PCDHA12: variants seen among roughly 807,000 people sequenced by gnomAD.
PCDHA12 encodes the protein protocadherin alpha 12.
A neutral mutation model predicts 60.0 loss-of-function variants in PCDHA12; 44 were observed. The observed-to-expected ratio is 0.73, with a 90% CI of 0.58 to 0.94. The LOEUF is 0.94. PCDHA12 is among the 40% of genes least tolerant of loss of function. The pLI is 0.00. For synonymous variants in PCDHA12, 569 were observed against 553.0 expected (o/e 1.03, Z -0.40); for missense variants, 1,276 against 1,239.7 (o/e 1.03, Z -0.44).
chr5:140,929,226 C>G lies in PCDHA12; in HGVS notation c.2368-49723C>G, dbSNP rs782065898. ...TGTTGCGTGGGGAGTACAATGCTGC[C>G]GACCTGCGAAATCTTGCCACTGGGG... is the stretch of plus-strand genomic sequence containing the variant. On this transcript the variant is annotated intron_variant, in intron 1 of 3. Transcript: ENST00000398631. 5.0e-6 allele frequency: 8 copies of G among 1,613,768 alleles called. No homozygotes were observed. In the South Asian group the frequency reaches 8.8e-5, roughly 18 times the overall value.
intron 1 of PCDHA12, among the ~76,000 whole-genome samples, chr5:140,941,235 C>CT: frequency 7.4e-6 from 1 of 135,248 alleles, no homozygotes; most frequent in Non-Finnish European, 1.6e-5. Context: ...TTCTTTCTTT[C>CT]TTTCTTTCTT....
intron 1 of PCDHA12, among the ~76,000 whole-genome samples, chr5:140,935,798 G>T (rs1302798386): frequency 6.6e-6 from 1 of 151,552 alleles, no homozygotes; most frequent in Non-Finnish European, 1.5e-5. Context: ...ATATAAACGA[G>T]ATTATTTCAT....
intron 1 of PCDHA12, among the ~76,000 whole-genome samples, chr5:140,893,394 T>TAA (rs2063972728): frequency 6.6e-6 from 1 of 152,198 alleles, no homozygotes; most frequent in South Asian, 2.1e-4. Flanking sequence ...GGCTCATGCC[T>TAA]GTAATCCCAG....
intron 3 of PCDHA12, among the ~76,000 whole-genome samples, chr5:140,990,384 T>A (rs2097391380): frequency 6.6e-6 from 1 of 152,186 alleles, no homozygotes; most frequent in Non-Finnish European, 1.5e-5. Context: ...TTGTTGGTGA[T>A]GTTCCAAGAA....
At chr5:140,883,021 G>A in intron 1 of PCDHA12, 1 of 1,614,136 alleles carries the variant, frequency 6.2e-7, no homozygotes, top group Non-Finnish European at 8.5e-7. Flanking sequence ...AAGTGACGGT[G>A]TTAGAGAACG....
intron 1 of PCDHA12, among the ~76,000 whole-genome samples, chr5:140,889,948 A>G (rs956594809): frequency 6.6e-6 from 1 of 152,194 alleles, no homozygotes; most frequent in Admixed American, 6.6e-5. Flanking sequence ...TGAGAAGCCA[A>G]ATGGATAGAA....
chr5:140,974,751 G>A (rs530548991), intron 1 of PCDHA12, among the ~76,000 whole-genome samples: 11 of 152,284 alleles, frequency 7.2e-5, no homozygotes, highest in African/African-American at 2.4e-4. Flanking sequence ...GCCTCCCAAA[G>A]TGCTGGGATT....
chr5:141,000,395 C>CTCTATAAATA (rs1213762225), intron 3 of PCDHA12, among the ~76,000 whole-genome samples: 2 of 53,986 alleles, frequency 3.7e-5, no homozygotes, highest in African/African-American at 1.5e-4. Flanking sequence ...CTCTCTCTCT[C>CTCTATAAATA]TATATATATA....
chr5:140,933,333 A>G (rs1215342457), intron 1 of PCDHA12, among the ~76,000 whole-genome samples: 1 of 152,032 alleles, frequency 6.6e-6, no homozygotes, highest in Non-Finnish European at 1.5e-5. Flanking sequence ...TGTGCTGTAG[A>G]GAAAGATAAA....
At chr5:140,969,342 G>T (rs1216517284) in intron 1 of PCDHA12, 2 of 1,613,512 alleles carry the variant, frequency 1.2e-6, no homozygotes, top group Non-Finnish European at 1.7e-6. Flanking sequence ...GTGAGACAGT[G>T]GTCAGGGGGT....
At chr5:140,891,681 C>T (rs1021117286) in intron 1 of PCDHA12, among the ~76,000 whole-genome samples, 1 of 152,150 alleles carries the variant, frequency 6.6e-6, no homozygotes, top group African/African-American at 2.4e-5. Flanking sequence ...TAATAATTCT[C>T]TCTTCTTGCT....
At chr5:140,969,468 AT>A (rs1264391543) in intron 1 of PCDHA12, 1 of 1,486,422 alleles carries the variant, frequency 6.7e-7, no homozygotes, top group Non-Finnish European at 9.0e-7. Context: ...AGTATCCACA[AT>A]TTGATCATAA....
chr5:140,904,265 T>C (rs2070995327), intron 1 of PCDHA12, among the ~76,000 whole-genome samples: 1 of 152,118 alleles, frequency 6.6e-6, no homozygotes, highest in Non-Finnish European at 1.5e-5. Context: ...CTCCCACTTA[T>C]GAATGAGAAC....
chr5:140,956,315 A>G (rs246013), intron 1 of PCDHA12, among the ~76,000 whole-genome samples: 85,586 of 151,908 alleles, frequency 0.56, 24,725 homozygotes, highest in African/African-American at 0.69. Flanking sequence ...TTATTTTGAG[A>G]TATGTTCCTT....
At chr5:141,009,034 C>T (rs183192515) in intron 3 of PCDHA12, among the ~76,000 whole-genome samples, 64 of 152,344 alleles carry the variant, frequency 4.2e-4, no homozygotes, top group African/African-American at 1.5e-3. Context: ...TTTCCCATCC[C>T]GTTCCCAGTC....
intron 1 of PCDHA12, chr5:140,926,589 G>T (rs929081687): frequency 1.7e-5 from 5 of 292,778 alleles, no homozygotes; most frequent in Non-Finnish European, 2.5e-5. Flanking sequence ...TCTCGCGCCC[G>T]GGCGGGCGGC....
intron 1 of PCDHA12, among the ~76,000 whole-genome samples, chr5:140,946,310 A>G (rs562859671): frequency 2.6e-5 from 4 of 152,074 alleles, no homozygotes; most frequent in African/African-American, 4.8e-5. Context: ...TAGAATGGCT[A>G]TTATTGAAAG....
intron 1 of PCDHA12, chr5:140,966,476 C>T (rs1326063829): frequency 1.8e-5 from 8 of 432,854 alleles, no homozygotes; most frequent in Non-Finnish European, 2.8e-5. Flanking sequence ...CTTCTGTTTC[C>T]TTTTCCCTCC....
rs182361197 is a variant in PCDHA12, at chr5:140,979,956, T to G, written c.2426+949T>G. 2.0e-5 allele frequency among the ~76,000 whole-genome samples: 3 copies of G among 152,378 alleles called. No homozygotes were observed. In the East Asian group the frequency reaches 5.8e-4, roughly 29 times the overall value. ...GTGTAGAGTTAATGTGAAATTAGTT[T>G]TAGCCCATTAAAATGCATTAGATTG... On this transcript the variant is annotated intron_variant, in intron 2 of 3. Transcript: ENST00000398631.
Sources: gnomAD v4.1 joint callset for allele counts (sites outside exome capture counted in the v4.1 genomes callset) on GRCh38, gnomAD v4.1.1 for gene constraint, MANE v1.5 for transcripts, NCBI Gene and HGNC (gene_info 2026-07-23, HGNC 2026-07-21) for gene names.